MIS18A: variants seen among roughly 807,000 people sequenced by gnomAD.
MIS18A encodes the protein MIS18 kinetochore protein A, also known as protein Mis18-alpha.
MIS18A carries 14 observed loss-of-function variants against 25.0 expected under a neutral mutation model. That is an observed-to-expected ratio of 0.56 (90% CI 0.37 to 0.88). The LOEUF is 0.88. Among genes scored for constraint, MIS18A ranks in the 40% least tolerant of loss-of-function variants. The probability of loss-of-function intolerance (pLI) is 0.00; values close to 1 mark genes in which losing one functional copy is unlikely to be tolerated. For missense variants in MIS18A, 292 were observed against 290.8 expected (o/e 1.00, Z -0.03); for synonymous variants, 134 against 118.6 (o/e 1.13, Z -0.84).
the MIS18A span, among the ~76,000 whole-genome samples, chr21:32,169,164 T>G: frequency 7.1e-6 from 1 of 141,078 alleles, no homozygotes; most frequent in Non-Finnish European, 1.5e-5. Flanking sequence ...ACCCCTACCT[T>G]TCAGCTTAAA....
chr21:32,165,432 TAA>T, the MIS18A span, among the ~76,000 whole-genome samples: 74 of 141,482 alleles, frequency 5.2e-4, no homozygotes, highest in Middle Eastern at 7.3e-3. Context: ...TAACATGATC[TAA>T]AAAAAAAAAA....
the MIS18A span, among the ~76,000 whole-genome samples, chr21:32,157,138 C>T: frequency 6.7e-6 from 1 of 149,838 alleles, no homozygotes; most frequent in African/African-American, 2.5e-5. Flanking sequence ...TCACTGCAAC[C>T]TCTGCCGCCC....
the MIS18A span, among the ~76,000 whole-genome samples, chr21:32,212,024 A>G: frequency 2.6e-5 from 4 of 152,186 alleles, no homozygotes; most frequent in Non-Finnish European, 5.9e-5. Flanking sequence ...AGTTTTTGGT[A>G]TGACAGAAAG....
chr21:32,177,500 G>A, the MIS18A span, among the ~76,000 whole-genome samples: 2 of 152,088 alleles, frequency 1.3e-5, no homozygotes, highest in African/African-American at 2.4e-5. Context: ...GAAATGAAAC[G>A]TCATTATTCC....
At chr21:32,205,271 A>AT in the MIS18A span, among the ~76,000 whole-genome samples, 336 of 151,444 alleles carry the variant, frequency 2.2e-3, 4 homozygotes, top group African/African-American at 7.9e-3. Flanking sequence ...CGCCCGGCTA[A>AT]TTTTTTGTAT....
At chr21:32,262,903 C>T in the MIS18A span, among the ~76,000 whole-genome samples, 2 of 152,122 alleles carry the variant, frequency 1.3e-5, no homozygotes, top group South Asian at 2.1e-4. Flanking sequence ...TCTCTACCTT[C>T]GAGCTTATCA....
At position 32,279,002 on chromosome 21, in the gene MIS18A, G is replaced by C. The variant is rs766582375; in HGVS notation, c.13C>G (p.Arg5Gly). MAGV[R>G]SLRCSRGCAG... ...CATCCTCTGCTACACCTCAGTGACC[G>C]AACGCCTGCCATTACCTACAAATCG... Residue 5 changes from arginine to glycine, a missense_variant, in exon 1 of 5, where the codon CGG (arginine) becomes GGG (glycine). Arg to Gly is a moderately radical substitution (Grantham distance 125). Coordinates refer to ENST00000290130, the MANE Select transcript of MIS18A (RefSeq NM_018944.3). 5.0e-6 allele frequency: 8 copies of C among 1,597,320 alleles called. No homozygotes were observed. Among genetic ancestry groups the C allele is most frequent in the Admixed American group, 3.3e-5 (2 of 59,758 alleles).
the MIS18A span, among the ~76,000 whole-genome samples, chr21:32,206,961 C>A: frequency 2.0e-5 from 3 of 152,332 alleles, no homozygotes; most frequent in South Asian, 6.2e-4. Context: ...AAACTGTGAG[C>A]CACCCACCAC....
At chr21:32,163,630 A>G in the MIS18A span, among the ~76,000 whole-genome samples, 1 of 152,184 alleles carries the variant, frequency 6.6e-6, no homozygotes, top group Non-Finnish European at 1.5e-5. Context: ...GACTTGAGGA[A>G]TTGATATCCT....
chr21:32,218,917 C>T, the MIS18A span, among the ~76,000 whole-genome samples: 4 of 151,622 alleles, frequency 2.6e-5, no homozygotes, highest in East Asian at 1.9e-4. Context: ...ATACAAAAAA[C>T]ATTAGCTGGG....
the MIS18A span, among the ~76,000 whole-genome samples, chr21:32,236,080 A>G: frequency 7.4e-5 from 3 of 40,498 alleles, 1 homozygote; most frequent in Admixed American, 4.0e-4. Flanking sequence ...TATTTAAAAT[A>G]AAAAAAAGAG....
At chr21:32,181,773 C>T in the MIS18A span, among the ~76,000 whole-genome samples, 1 of 152,068 alleles carries the variant, frequency 6.6e-6, no homozygotes, top group Non-Finnish European at 1.5e-5. Flanking sequence ...GATCTCTGTG[C>T]ACATCTGGAT....
chr21:32,217,829 A>T, the MIS18A span, among the ~76,000 whole-genome samples: 1 of 152,190 alleles, frequency 6.6e-6, no homozygotes, highest in Non-Finnish European at 1.5e-5. Flanking sequence ...AGGAAAAAAA[A>T]ACACTATCAA....
the MIS18A span, chr21:32,156,423 T>C: frequency 6.6e-6 from 1 of 152,172 alleles, no homozygotes; most frequent in Non-Finnish European, 1.5e-5. Context: ...TTGCCATCAG[T>C]CCGGATAAAT....
the MIS18A span, among the ~76,000 whole-genome samples, chr21:32,174,668 A>G: frequency 6.6e-6 from 1 of 152,212 alleles, no homozygotes; most frequent in Non-Finnish European, 1.5e-5. Context: ...CAAATCCACA[A>G]TCACAGTAAG....
chr21:32,214,936 G>A, the MIS18A span, among the ~76,000 whole-genome samples: 3 of 152,350 alleles, frequency 2.0e-5, no homozygotes, highest in East Asian at 1.9e-4. Context: ...CCACTGGCTG[G>A]ACAGGGTCTA....
the MIS18A span, among the ~76,000 whole-genome samples, chr21:32,230,600 C>A: frequency 6.6e-6 from 1 of 152,184 alleles, no homozygotes; most frequent in Non-Finnish European, 1.5e-5. Context: ...TTACCCTCAA[C>A]TGATTTTCAA....
the MIS18A span, among the ~76,000 whole-genome samples, chr21:32,157,809 T>C: frequency 6.6e-6 from 1 of 152,196 alleles, no homozygotes; most frequent in Non-Finnish European, 1.5e-5. Context: ...ATTGATACTA[T>C]GTTTATAAAA....
chr21:32,212,644 G>A, the MIS18A span, among the ~76,000 whole-genome samples: 1 of 152,106 alleles, frequency 6.6e-6, no homozygotes, highest in African/African-American at 2.4e-5. Context: ...TATTGATATG[G>A]TTTGGCTGTG....
Sources: allele counts gnomAD v4.1 joint callset (sites outside exome capture counted in the v4.1 genomes callset), GRCh38; gene constraint gnomAD v4.1.1; transcripts MANE v1.5; gene names NCBI Gene and HGNC (gene_info 2026-07-23, HGNC 2026-07-21).